Variants in MTA1 observed in about 807,000 individuals in gnomAD.
The protein encoded by MTA1 is metastasis-associated protein MTA1.
A neutral mutation model predicts 97.0 loss-of-function variants in MTA1; 15 were observed. The ratio of observed to expected loss-of-function variants is 0.15; its 90% CI spans 0.10 to 0.24. The LOEUF is 0.24. Ranked by LOEUF, MTA1 falls within the 10% of genes least tolerant of loss-of-function variation. MTA1 has a pLI of 1.00. For synonymous variants in MTA1, 435 were observed against 417.5 expected, an observed-to-expected ratio of 1.04 and a Z score of -0.51; for missense variants, 709 against 1,015.1, an observed-to-expected ratio of 0.70 and a Z score of 4.10.
At chr14:105,450,709 TG>T (rs1279033699) in intron 6 of MTA1, among the ~76,000 whole-genome samples, 1 of 152,172 alleles carries the variant, frequency 6.6e-6, no homozygotes, top group Non-Finnish European at 1.5e-5. Context: ...AGGCCCACCT[TG>T]GGGGTCACTG....
Position 105,464,880 on chromosome 14 carries a change from C to G in MTA1, c.1534+17C>G. 1.3e-6 allele frequency: 2 copies of G among 1,550,642 alleles called. No homozygotes were observed. The highest frequency in any genetic ancestry group is 1.7e-6 in the Non-Finnish European group (2 of 1,145,742). Reference sequence around the variant, plus strand: ...AGGCCGAGTGTGAGTCACCCCAACGCCCCGCTTACTCTGTTCCTGCGGGTG... The same window carrying G: ...AGGCCGAGTGTGAGTCACCCCAACGGCCCGCTTACTCTGTTCCTGCGGGTG... On this transcript the variant is annotated intron_variant, in intron 15 of 20. Transcript: ENST00000331320.
chr14:105,458,084 T>C (rs2083219382), intron 7 of MTA1, among the ~76,000 whole-genome samples, 186 bp from the exon 8 acceptor site: 1 of 152,056 alleles, frequency 6.6e-6, no homozygotes, highest in South Asian at 2.1e-4. Flanking sequence ...CAGCCCCGGG[T>C]TGAGAGGCCA....
Position 105,447,140 on chromosome 14 carries a change from C to T in MTA1, c.190+1629C>T, listed in dbSNP as rs587671749. Among the ~76,000 whole-genome samples the T allele has an allele frequency of 1.6e-3, 250 of 152,274 alleles. 1 individual carries two copies. The highest frequency in any genetic ancestry group is 3.0e-3 in the Non-Finnish European group (206 of 68,000). On this transcript the variant is annotated intron_variant, in intron 3 of 20. Transcript: ENST00000331320. ...CTTAGTGTTGGAGGCTGGCCTATGT[C>T]GACTCTGCAGGGCTGGCCCGCTGGA...
chr14:105,453,509 C>T (rs984944055), intron 6 of MTA1, among the ~76,000 whole-genome samples: 3 of 151,372 alleles, frequency 2.0e-5, no homozygotes, highest in Admixed American at 1.3e-4. Flanking sequence ...GACCATGTTT[C>T]GAAAAAGGAA....
intron 1 of MTA1, among the ~76,000 whole-genome samples, chr14:105,437,182 T>C (rs2082350494): frequency 6.6e-6 from 1 of 152,250 alleles, no homozygotes; most frequent in African/African-American, 2.4e-5. Flanking sequence ...TGCACATGGG[T>C]GCCCAAACAG....
At chr14:105,466,207 G>A (rs9671696) in intron 16 of MTA1, 315,112 of 582,156 alleles carry the variant, frequency 0.54, 90,119 homozygotes, top group East Asian at 0.71. Context: ...CCTGGGGTGC[G>A]GGACTGGCCC....
chr14:105,447,767 G>A (rs1388739889), intron 3 of MTA1, among the ~76,000 whole-genome samples: 3 of 152,220 alleles, frequency 2.0e-5, no homozygotes, highest in African/African-American at 4.8e-5. Context: ...GACTCAGAGC[G>A]CGGCCCCACT....
Position 105,465,433 on chromosome 14 carries a change from C to T in MTA1, c.1624+250C>T, listed in dbSNP as rs117578769. 1.8e-3 allele frequency: 598 copies of T among 341,326 alleles called. 2 individuals are homozygous for T. The highest frequency in any genetic ancestry group is 2.1e-3 in the Non-Finnish European group (390 of 188,792). The allele number at this position is 341,326 out of a possible 1,614,324, so 21.1% of individuals were successfully genotyped here. On this transcript the variant is annotated intron_variant, in intron 16 of 20. Coordinates refer to ENST00000331320, the MANE Select transcript of MTA1 (RefSeq NM_004689.4). ...GGAGTAGCGGCCGCCCTGTCTTCTGCGGGGCCAGCCTCCTCAAGGCACACC... is the reference window on the plus strand; with the variant it reads ...GGAGTAGCGGCCGCCCTGTCTTCTGTGGGGCCAGCCTCCTCAAGGCACACC...
In MTA1 at chr14:105,464,585, C is replaced by T. The variant is rs1040582178; in HGVS notation, c.1344+18C>T. 1 of 1,612,416 alleles carries T rather than the reference C, an allele frequency of 6.2e-7. No homozygotes were observed. Among genetic ancestry groups the T allele is most frequent in the African/African-American group, 1.3e-5 (1 of 75,040 alleles). Reference sequence around the variant, plus strand: ...GTAACATGGTAAGGGGGGGGACACCCGCCCTGCCTGCCATGAGCCTGTCGG... The same window carrying T: ...GTAACATGGTAAGGGGGGGGACACCTGCCCTGCCTGCCATGAGCCTGTCGG... On this transcript the variant is annotated intron_variant, in intron 14 of 20. Coordinates refer to ENST00000331320, the MANE Select transcript of MTA1 (RefSeq NM_004689.4).
intron 2 of MTA1, among the ~76,000 whole-genome samples, chr14:105,442,275 T>A (rs1482191184): frequency 6.6e-6 from 1 of 152,198 alleles, no homozygotes; most frequent in Non-Finnish European, 1.5e-5. Flanking sequence ...CCAAGCTCCA[T>A]CTCCCGGAAG....
intron 1 of MTA1, among the ~76,000 whole-genome samples, chr14:105,430,847 T>G (rs587632647): frequency 6.6e-6 from 1 of 152,272 alleles, no homozygotes; most frequent in African/African-American, 2.4e-5. Flanking sequence ...TATATGAAAT[T>G]CACATTTCAG....
chr14:105,423,872 C>T (rs782534900), intron 1 of MTA1, among the ~76,000 whole-genome samples: 4 of 152,268 alleles, frequency 2.6e-5, no homozygotes. Context: ...CTGCAGCCAG[C>T]GCCGCCCTAC....
rs1051212681 is a variant in MTA1, at chr14:105,423,876, G to A, written c.28+3813G>A. Among the ~76,000 whole-genome samples the A allele has an allele frequency of 1.7e-4, 26 of 152,350 alleles. No homozygotes were observed. The East Asian group carries it at 2.1e-3, about 12-fold the overall frequency. On this transcript the variant is annotated intron_variant, in intron 1 of 20. Coordinates refer to ENST00000331320, the MANE Select transcript of MTA1 (RefSeq NM_004689.4). Reference sequence around the variant, plus strand: ...TTTGTAGAGGGCTGCAGCCAGCGCCGCCCTACCCTGGAGTGCTGAGTGCAC... The same window carrying A: ...TTTGTAGAGGGCTGCAGCCAGCGCCACCCTACCCTGGAGTGCTGAGTGCAC...
intron 1 of MTA1, among the ~76,000 whole-genome samples, chr14:105,421,777 G>A (rs1484419385): frequency 1.3e-5 from 2 of 152,216 alleles, no homozygotes; most frequent in Non-Finnish European, 2.9e-5. Context: ...GTCCCATCCC[G>A]GAGGTGCAGC....
At chr14:105,468,099 A>G (rs1317322616) in intron 18 of MTA1, 3 of 354,274 alleles carry the variant, frequency 8.5e-6, no homozygotes, top group Non-Finnish European at 1.7e-5. Context: ...CTGGGTGAAG[A>G]CGGCTCCCGG....
At chr14:105,442,154 AC>A (rs2082553821) in intron 2 of MTA1, among the ~76,000 whole-genome samples, 2 of 152,234 alleles carry the variant, frequency 1.3e-5, no homozygotes, top group South Asian at 4.1e-4. Flanking sequence ...ATTTTAGAAC[AC>A]GGGAGAAGAA....
chr14:105,439,010 T>TC (rs1402385732), intron 2 of MTA1, among the ~76,000 whole-genome samples: 1 of 152,126 alleles, frequency 6.6e-6, no homozygotes, highest in Non-Finnish European at 1.5e-5. Flanking sequence ...GGGTGCTGGG[T>TC]CCCCTGAAGA....
At chr14:105,427,406 G>C (rs587720098) in intron 1 of MTA1, among the ~76,000 whole-genome samples, 1 of 152,358 alleles carries the variant, frequency 6.6e-6, no homozygotes, top group African/African-American at 2.4e-5. Context: ...AGGTGCCGCA[G>C]TGCTGTTGAG....
rs1431064098 is a variant in MTA1 at position 105,420,165 on chromosome 14, C to T, written c.28+102C>T. The T allele has an allele frequency of 2.6e-5, 15 of 569,504 alleles. No homozygotes were observed. Among genetic ancestry groups the T allele is most frequent in the African/African-American group, 2.5e-4 (12 of 48,872 alleles). The allele number at this position is 569,504 out of a possible 1,614,324, so 35.3% of individuals were successfully genotyped here. On this transcript the variant is annotated intron_variant, in intron 1 of 20. Transcript: ENST00000331320. The surrounding 1 kb of genome is among the most constrained non-coding windows in gnomAD (Gnocchi z 5.3). ...CCCTCTGCCCCGCAGGCCCCGCGCC[C>T]CCCGCCCGCCCTCGCGGCCCCCGGC...
Sources: allele counts gnomAD v4.1 joint callset (sites outside exome capture counted in the v4.1 genomes callset), GRCh38; gene constraint gnomAD v4.1.1; non-coding constraint Gnocchi (gnomAD v3.1); transcripts MANE v1.5; gene names NCBI Gene and HGNC (gene_info 2026-07-23, HGNC 2026-07-21).